The following SYNJ2 variants were observed in gnomAD, a reference collection of about 807,000 sequenced individuals.
SYNJ2 encodes the protein polyphosphatidylinositol phosphatase SYNJ2.
A neutral mutation model predicts 141.3 loss-of-function variants in SYNJ2; 116 were observed. The ratio of observed to expected loss-of-function variants is 0.82; its 90% CI spans 0.71 to 0.96. The LOEUF is 0.96. Ranked by LOEUF, SYNJ2 falls within the 40% of genes least tolerant of loss-of-function variation. SYNJ2 has a pLI of 0.00. For missense variants in SYNJ2, 1,873 were observed against 1,934.8 expected (o/e 0.97, Z 0.60); for synonymous variants, 745 against 777.7 (o/e 0.96, Z 0.70).
chr6:158,013,499 A>G (rs972378323), intron 1 of SYNJ2, among the ~76,000 whole-genome samples: 2 of 152,162 alleles, frequency 1.3e-5, no homozygotes, highest in Non-Finnish European at 2.9e-5. Flanking sequence ...GAGCCCTTGT[A>G]CAGATTAATT....
intron 12 of SYNJ2, among the ~76,000 whole-genome samples, chr6:158,067,016 TTTG>T (rs1056092005): frequency 5.3e-5 from 8 of 152,126 alleles, no homozygotes; most frequent in African/African-American, 9.7e-5. Context: ...TTTGTTTTGT[TTTG>T]TTGTTGTTTG....
In SYNJ2 at chr6:158,055,047, C is replaced by T; in HGVS notation, c.857+19C>T. On this transcript the variant is annotated intron_variant, in intron 6 of 26. Coordinates refer to ENST00000355585, the MANE Select transcript of SYNJ2 (RefSeq NM_003898.4). ...TCGACAGGTAGGGATTGTCTGACAC[C>T]ATCCAAGCCTGTCATTGTCATCCTT... 2.5e-6 allele frequency: 4 copies of T among 1,612,662 alleles called. No homozygotes were observed. Among genetic ancestry groups the T allele is most frequent in the Non-Finnish European group, 3.4e-6 (4 of 1,179,520 alleles).
intron 19 of SYNJ2, 33 bp downstream of exon 19, chr6:158,081,360 G>C (rs754684748): frequency 1.9e-6 from 3 of 1,613,632 alleles, no homozygotes; most frequent in East Asian, 4.5e-5. Context: ...TGGGTTCCAG[G>C]GGATGTCGAT....
intron 1 of SYNJ2, among the ~76,000 whole-genome samples, chr6:157,996,874 G>T (rs894087027): frequency 2.0e-5 from 3 of 152,190 alleles, no homozygotes; most frequent in Non-Finnish European, 4.4e-5. Flanking sequence ...ATGCTGCCAT[G>T]CTTCCCGTAT....
At chr6:157,986,896 C>G (rs1442852365) in intron 1 of SYNJ2, among the ~76,000 whole-genome samples, 3 of 150,186 alleles carry the variant, frequency 2.0e-5, no homozygotes, top group Non-Finnish European at 4.4e-5. Context: ...TGTTTAAAGC[C>G]AGGCAAGATT....
chr6:158,018,105 G>A (rs13204053), intron 2 of SYNJ2, among the ~76,000 whole-genome samples: 29 of 152,318 alleles, frequency 1.9e-4, no homozygotes, highest in African/African-American at 6.5e-4. Context: ...GGGAGAGGAA[G>A]GGACAGTGTG....
rs527478294 is a variant in SYNJ2, at chr6:157,998,671, A to G, written c.127+16583A>G. Among the ~76,000 whole-genome samples, 3 of 152,366 alleles carry G rather than the reference A, an allele frequency of 2.0e-5. No homozygotes were observed. The South Asian group carries it at 6.2e-4, about 32-fold the overall frequency. ...TTCAAAGTATTAGAAAATATAGGCT[A>G]TGCTTTCACAGTGTTACGGCATGGA... On this transcript the variant is annotated intron_variant, in intron 1 of 26. Coordinates refer to ENST00000355585, the MANE Select transcript of SYNJ2 (RefSeq NM_003898.4).
In SYNJ2 at chr6:158,093,903, C is replaced by T. The variant is rs370329778; in HGVS notation, c.3744+799C>T. ...TTTCTTGCAGATTGTTTTTTGCTCTCGCTCTCAAGCTTCTCAGCCTTGCTT... is the reference window on the plus strand; with the variant it reads ...TTTCTTGCAGATTGTTTTTTGCTCTTGCTCTCAAGCTTCTCAGCCTTGCTT... On this transcript the variant is annotated intron_variant, in intron 26 of 26. Transcript: ENST00000355585. The T allele has an allele frequency of 4.1e-4, 313 of 765,004 alleles. 1 individual carries two copies. The East Asian group carries it at 4.8e-3, about 12-fold the overall frequency. 47.4% of individuals were successfully genotyped at this position (765,004 alleles called of 1,614,324 possible). A position where few individuals can be genotyped will look rare whatever the true frequency, so the allele number is the denominator to read the frequency against.
intron 1 of SYNJ2, among the ~76,000 whole-genome samples, chr6:158,005,324 A>G (rs1266306630): frequency 4.6e-5 from 7 of 151,934 alleles, no homozygotes; most frequent in East Asian, 1.9e-4. Flanking sequence ...TGATCCACCC[A>G]CCTTGGCCTT....
At chr6:158,072,993 C>T (rs1192598532) in intron 15 of SYNJ2, among the ~76,000 whole-genome samples, 1 of 150,774 alleles carries the variant, frequency 6.6e-6, no homozygotes, top group Non-Finnish European at 1.5e-5. Context: ...GAATCGCAAC[C>T]CAGGAGGCAG....
At position 158,043,083 on chromosome 6, in the gene SYNJ2, A is replaced by C. The variant is rs1360477028; in HGVS notation, c.712-233A>C. On this transcript the variant is annotated intron_variant, in intron 4 of 26. Coordinates refer to ENST00000355585, the MANE Select transcript of SYNJ2 (RefSeq NM_003898.4). The surrounding 1 kb of genome is among the most constrained non-coding windows in gnomAD (Gnocchi z 4.0). Reference sequence around the variant, plus strand: ...ATTCCCGGAGACCCTGGGAGGCCCCAACCCCCAGCAGACCCCCTCCTCAGA... The same window carrying C: ...ATTCCCGGAGACCCTGGGAGGCCCCCACCCCCAGCAGACCCCCTCCTCAGA... Among the ~76,000 whole-genome samples the C allele has an allele frequency of 2.6e-5, 4 of 152,130 alleles. No individual in the cohort carries two copies. Among genetic ancestry groups the C allele is most frequent in the Non-Finnish European group, 5.9e-5 (4 of 68,004 alleles).
At chr6:158,075,056 C>T (rs1782188869) in intron 16 of SYNJ2, among the ~76,000 whole-genome samples, 1 of 151,942 alleles carries the variant, frequency 6.6e-6, no homozygotes, top group African/African-American at 2.4e-5. Context: ...CTCAGCCTCC[C>T]GAGTAGCTGC....
At chr6:158,009,140 C>T (rs550816901) in intron 1 of SYNJ2, among the ~76,000 whole-genome samples, 258 of 152,354 alleles carry the variant, frequency 1.7e-3, no homozygotes, top group Admixed American at 2.9e-3. Context: ...CCTTCTCAGA[C>T]AACACCATCT....
intron 1 of SYNJ2, among the ~76,000 whole-genome samples, chr6:157,991,327 C>T (rs1777415577): frequency 6.6e-6 from 1 of 152,204 alleles, no homozygotes; most frequent in African/African-American, 2.4e-5. Context: ...TTCACCTCAC[C>T]TGGAGATTCT....
rs1276855713 is a variant in SYNJ2 at position 158,043,153 on chromosome 6, T to C, written c.712-163T>C. Among the ~76,000 whole-genome samples, 2 of 151,930 alleles carry C rather than the reference T, an allele frequency of 1.3e-5. No individual in the cohort carries two copies. Among genetic ancestry groups the C allele is most frequent in the Non-Finnish European group, 2.9e-5 (2 of 67,966 alleles). On this transcript the variant is annotated intron_variant, in intron 4 of 26. Coordinates refer to ENST00000355585, the MANE Select transcript of SYNJ2 (RefSeq NM_003898.4). This position sits in a 1 kb window ranked among gnomAD's most constrained non-coding sequence, Gnocchi z 4.0. ...TGCCCGCCCAGTACCTGGCGAGAGG[T>C]CAGGGCGCATTGCCGGATGGGGGAG...
intron 1 of SYNJ2, among the ~76,000 whole-genome samples, chr6:157,985,907 G>A (rs140852066): frequency 6.6e-6 from 1 of 152,164 alleles, no homozygotes; most frequent in African/African-American, 2.4e-5. Flanking sequence ...GGGGGGAAAG[G>A]TTCTGTGTAA....
chr6:158,022,800 C>G (rs1433432035), intron 2 of SYNJ2, among the ~76,000 whole-genome samples: 3 of 152,224 alleles, frequency 2.0e-5, no homozygotes, highest in Non-Finnish European at 4.4e-5. Context: ...TCCTGCCTCA[C>G]AAAAGCAAAT....
Position 158,047,774 on chromosome 6 carries a change from C to CAAAAAAAAAAAAAA in SYNJ2, c.795+4393_795+4406dup, listed in dbSNP as rs58147972. 4.6e-4 allele frequency among the ~76,000 whole-genome samples: 15 copies of CAAAAAAAAAAAAAA among 32,384 alleles called. 2 individuals are homozygous for CAAAAAAAAAAAAAA. Among genetic ancestry groups the CAAAAAAAAAAAAAA allele is most frequent in the Admixed American group, 1.1e-3 (2 of 1,894 alleles). 21.2% of individuals were successfully genotyped at this position (32,384 alleles called of 152,430 possible). A position where few individuals can be genotyped will look rare whatever the true frequency, so the allele number is the denominator to read the frequency against. On this transcript the variant is annotated intron_variant, in intron 5 of 26. Transcript: ENST00000355585. The stretch of plus-strand genomic sequence containing the variant: ...CCTGGTCAACAGAGTGCGACTCTGT[C>CAAAAAAAAAAAAAA]AAAAAAAAAAAAAAAAAAAAAAAAA...
chr6:158,093,741 C>T (rs1783622648), intron 26 of SYNJ2: 1 of 610,976 alleles, frequency 1.6e-6, no homozygotes, highest in Non-Finnish European at 2.9e-6. Flanking sequence ...TGGTACCGCC[C>T]ATTTGCGTGT....
Sources: gnomAD v4.1 joint callset for allele counts (sites outside exome capture counted in the v4.1 genomes callset) on GRCh38, gnomAD v4.1.1 for gene constraint, Gnocchi (gnomAD v3.1) non-coding constraint, MANE v1.5 for transcripts, NCBI Gene and HGNC (gene_info 2026-07-23, HGNC 2026-07-21) for gene names.